The following TNS3 variants were observed in gnomAD, a reference collection of about 807,000 sequenced individuals.
TNS3 encodes tensin-3.
In TNS3, 45 loss-of-function variants were observed where a neutral mutation model predicts 140.9. The observed-to-expected ratio is 0.32, with a 90% CI of 0.25 to 0.41. TNS3 has a LOEUF of 0.41. TNS3 is among the 10% of genes least tolerant of loss of function. The pLI, the probability that TNS3 is intolerant of heterozygous loss-of-function variation, is 1.00. For synonymous variants in TNS3, 815 were observed against 788.4 expected, an observed-to-expected ratio of 1.03 and a Z score of -0.56; for missense variants, 1,716 against 1,906.7, an observed-to-expected ratio of 0.90 and a Z score of 1.86.
At position 47,438,039 on chromosome 7, in the gene TNS3, A is replaced by AAATAATAAT. The variant is rs56039512; in HGVS notation, c.151-735_151-727dup. Among the ~76,000 whole-genome samples the AAATAATAAT allele has an allele frequency of 5.9e-3, 878 of 147,682 alleles. 5 individuals are homozygous for AAATAATAAT. The highest frequency in any genetic ancestry group is 0.02 in the African/African-American group (815 of 40,492). ...TAAATACTCAAGTAGTTCAAAATGA[A>AAATAATAAT]AATAATAATAATAATAATAATAATA... On this transcript the variant is annotated intron_variant, in intron 6 of 30. Transcript: ENST00000311160.
In TNS3 at chr7:47,439,958, T is replaced by C. The variant is rs370461875; in HGVS notation, c.-22-300A>G. On this transcript the variant is annotated intron_variant, in intron 5 of 30. Coordinates refer to ENST00000311160, the MANE Select transcript of TNS3 (RefSeq NM_022748.12). ...CAGAGCAGTGACGCATGGGCTCAAATGCAAAAGCACGAAGGCGGGAAGGAC... is the reference window on the plus strand; with the variant it reads ...CAGAGCAGTGACGCATGGGCTCAAACGCAAAAGCACGAAGGCGGGAAGGAC... Among the ~76,000 whole-genome samples, 70 of 151,980 alleles carry C rather than the reference T, an allele frequency of 4.6e-4. 1 individual carries two copies. The highest frequency in any genetic ancestry group is 1.1e-3 in the African/African-American group (46 of 41,470).
At chr7:47,289,712 G>A (rs928304976) in intron 27 of TNS3, among the ~76,000 whole-genome samples, 1 of 152,126 alleles carries the variant, frequency 6.6e-6, no homozygotes. Context: ...TCTATATGAG[G>A]AACACTATTA....
intron 17 of TNS3, among the ~76,000 whole-genome samples, chr7:47,355,130 C>T (rs762200082): frequency 6.6e-5 from 10 of 152,246 alleles, no homozygotes; most frequent in African/African-American, 1.2e-4. Flanking sequence ...GATAAGGAAA[C>T]GTGCTGAGGG....
chr7:47,467,860 C>A (rs1231196100), intron 4 of TNS3, among the ~76,000 whole-genome samples: 1 of 152,192 alleles, frequency 6.6e-6, no homozygotes, highest in Non-Finnish European at 1.5e-5. Flanking sequence ...TCCCACAGCA[C>A]GCTGGCTGTC....
Position 47,400,442 on chromosome 7 carries a change from G to A in TNS3, c.870C>T (p.Asp290=). 6.2e-7 allele frequency: 1 copy of A among 1,614,006 alleles called. No homozygotes were observed. The highest frequency in any genetic ancestry group is 8.5e-7 in the Non-Finnish European group (1 of 1,179,980). The change falls in exon 15 of 31, where the codon GAC becomes GAT. Residue 290 remains aspartate (D), a synonymous_variant. Transcript: ENST00000311160. ...AGAAGACTAATTCAACCTTCCCATA[G>A]TCAGGAAAACGGTCATCTGAAAAAA... is the stretch of plus-strand genomic sequence containing the variant. The part of the protein sequence containing the change: ...DNASKDDRFP[D]YGKVELVFSA...
rs139014582 is a variant in TNS3 at position 47,432,513 on chromosome 7, T to C, written c.324+2769A>G. Among the ~76,000 whole-genome samples, 541 of 152,384 alleles carry C rather than the reference T, an allele frequency of 3.6e-3. 3 individuals carry two copies. The highest frequency in any genetic ancestry group is 0.012 in the African/African-American group (508 of 41,590). ...TTACCCAGTTTCACATATTCTGTTATAAGTAACAGAAAACAGACTAATGCA... is the reference window on the plus strand; with the variant it reads ...TTACCCAGTTTCACATATTCTGTTACAAGTAACAGAAAACAGACTAATGCA... On this transcript the variant is annotated intron_variant, in intron 8 of 30. Transcript: ENST00000311160.
chr7:47,302,077 T>C (rs2150701557), intron 23 of TNS3, 109 bp downstream of exon 23: 1 of 858,210 alleles, frequency 1.2e-6, no homozygotes, highest in Non-Finnish European at 1.9e-6. Flanking sequence ...TCAATCCATA[T>C]GAAGGCCACG....
chr7:47,538,603 T>C (rs334508), intron 1 of TNS3, among the ~76,000 whole-genome samples: 115,180 of 152,124 alleles, frequency 0.76, 43,943 homozygotes, highest in Non-Finnish European at 0.79. Context: ...TTCAACTGGC[T>C]GACGTTAACC....
intron 16 of TNS3, among the ~76,000 whole-genome samples, chr7:47,381,861 T>C (rs1422336139): frequency 6.6e-6 from 1 of 152,264 alleles, no homozygotes; most frequent in Admixed American, 6.5e-5. Context: ...ATTGTTACCA[T>C]TCTGCAAATG....
At chr7:47,505,698 T>C (rs1798390074) in intron 3 of TNS3, among the ~76,000 whole-genome samples, 1 of 152,138 alleles carries the variant, frequency 6.6e-6, no homozygotes, top group Non-Finnish European at 1.5e-5. Flanking sequence ...AGAGCTATAC[T>C]AGTCTAGTTC....
chr7:47,485,404 G>A (rs1025235034), intron 3 of TNS3, among the ~76,000 whole-genome samples: 17 of 152,208 alleles, frequency 1.1e-4, no homozygotes, highest in African/African-American at 3.4e-4. Flanking sequence ...GAGGGCCAGC[G>A]CCAGCCACGG....
intron 2 of TNS3, among the ~76,000 whole-genome samples, chr7:47,514,769 C>A (rs1395010707): frequency 6.6e-6 from 1 of 152,162 alleles, no homozygotes; most frequent in Admixed American, 6.5e-5. Context: ...GACCCTGGAT[C>A]CTCCCTGGAT....
chr7:47,396,820 T>C lies in TNS3; in HGVS notation c.1004A>G (p.Asn335Ser). 1 of 1,614,124 alleles carries C rather than the reference T, an allele frequency of 6.2e-7. No homozygotes were observed. The highest frequency in any genetic ancestry group is 1.1e-5 in the South Asian group (1 of 91,082). The part of the protein sequence containing the change: ...DPLIRWDSYE[N>S]LSADGEVLHT... The stretch of plus-strand genomic sequence containing the variant: ...CGCACCTTCTCCATCTGCACTGAGG[T>C]TCTCGTACGAGTCCCAGCGTATCAG... The change falls in exon 16 of 31, where the codon AAC becomes AGC. Residue 335 changes from asparagine (N) to serine (S), a missense_variant. By Grantham distance (46) the Asn-to-Ser change is conservative (BLOSUM62 1). This residue lies in a region of TNS3 where 1,163 missense variants were observed against 1,182.1 expected (regional missense o/e 0.98). Coordinates refer to ENST00000311160, the MANE Select transcript of TNS3 (RefSeq NM_022748.12).
intron 12 of TNS3, among the ~76,000 whole-genome samples, chr7:47,412,663 G>A (rs900013458): frequency 7.9e-5 from 12 of 152,266 alleles, no homozygotes; most frequent in African/African-American, 2.9e-4. Context: ...CCATAGTAGT[G>A]AGATCCTATC....
At chr7:47,431,179 G>A (rs910308909) in intron 8 of TNS3, among the ~76,000 whole-genome samples, 1 of 152,166 alleles carries the variant, frequency 6.6e-6, no homozygotes, top group Non-Finnish European at 1.5e-5. Context: ...AAATATCTTG[G>A]GAGAAACAAA....
Position 47,411,770 on chromosome 7 carries a change from C to A in TNS3, c.680G>T (p.Cys227Phe). Residue 227 changes from cysteine to phenylalanine, a missense_variant, in exon 13 of 31, where the codon TGC (cysteine) becomes TTC (phenylalanine). Around this residue, in one of 3 missense-constraint regions of TNS3, gnomAD observed 337 missense variants for 428.9 expected, o/e 0.79. Coordinates refer to ENST00000311160, the MANE Select transcript of TNS3 (RefSeq NM_022748.12). ...AAGCTGGGCCGGCTCGATGACGATGCAGATCCTGCTGGGGTTTTCTGGGCC... is the reference window on the plus strand; with the variant it reads ...AAGCTGGGCCGGCTCGATGACGATGAAGATCCTGCTGGGGTTTTCTGGGCC... Reference protein sequence around the residue: ...NVGPENPSRICIVIEPAQLLK... With the variant: ...NVGPENPSRIFIVIEPAQLLK... The A allele has an allele frequency of 1.2e-6, 2 of 1,613,378 alleles. No individual in the cohort carries two copies. Among genetic ancestry groups the A allele is most frequent in the Middle Eastern group, 1.6e-4 (1 of 6,062 alleles).
chr7:47,577,647 GA>G (rs1225437202), intron 1 of TNS3, among the ~76,000 whole-genome samples: 1 of 152,340 alleles, frequency 6.6e-6, no homozygotes, highest in African/African-American at 2.4e-5. Context: ...CTCTCTTCCA[GA>G]AAAGGGAGAC....
intron 1 of TNS3, among the ~76,000 whole-genome samples, chr7:47,566,735 G>A (rs1487193697): frequency 1.3e-5 from 2 of 152,090 alleles, no homozygotes; most frequent in Non-Finnish European, 2.9e-5. Context: ...CCAACAGCAG[G>A]ACAAAAAGAC....
chr7:47,500,247 A>T (rs1364995129), intron 3 of TNS3, among the ~76,000 whole-genome samples: 3 of 152,144 alleles, frequency 2.0e-5, no homozygotes, highest in Non-Finnish European at 4.4e-5. Flanking sequence ...GCCGAGAGCT[A>T]CCCTCAGGAA....
Sources: gnomAD v4.1 joint callset for allele counts (sites outside exome capture counted in the v4.1 genomes callset) on GRCh38, gnomAD v4.1.1 for gene constraint, gnomAD v4.1.1 regional missense constraint, MANE v1.5 for transcripts, NCBI Gene and HGNC (gene_info 2026-07-23, HGNC 2026-07-21) for gene names.